RAB28: variants seen among roughly 807,000 people sequenced by gnomAD.
RAB28 encodes RAB28, member RAS oncogene family.
A neutral mutation model predicts 31.7 loss-of-function variants in RAB28; 24 were observed. That is an observed-to-expected ratio of 0.76 (90% confidence interval 0.55 to 1.06). The LOEUF (loss-of-function observed/expected upper bound fraction) is 1.06, where lower values mean the gene tolerates loss of function less well. RAB28 is among the 50% of genes least tolerant of loss of function. The probability of loss-of-function intolerance (pLI) is 0.00; values close to 1 mark genes in which losing one functional copy is unlikely to be tolerated. For synonymous variants in RAB28, 100 were observed against 90.4 expected (o/e 1.11, Z -0.60); for missense variants, 254 against 258.5 (o/e 0.98, Z 0.12).
At chr4:13,413,608 A>G (rs1350732023) in intron 4 of RAB28, among the ~76,000 whole-genome samples, 2 of 152,222 alleles carry the variant, frequency 1.3e-5, no homozygotes, top group Non-Finnish European at 2.9e-5. Flanking sequence ...GAAAAAGCAT[A>G]AAGTTTTAAG....
intron 4 of RAB28, among the ~76,000 whole-genome samples, chr4:13,393,681 AC>A (rs1184716574): frequency 6.6e-6 from 1 of 151,072 alleles, no homozygotes; most frequent in Non-Finnish European, 1.5e-5. Flanking sequence ...TCTTCGGTTT[AC>A]CCATCTTGTA....
chr4:13,468,123 G>A (rs1715949359), intron 3 of RAB28, among the ~76,000 whole-genome samples: 1 of 151,918 alleles, frequency 6.6e-6, no homozygotes, highest in South Asian at 2.1e-4. Context: ...GGCCAAAACT[G>A]ACAGAACTGC....
chr4:13,393,054 ACC>A (rs1729716813), intron 4 of RAB28, among the ~76,000 whole-genome samples: 1 of 152,230 alleles, frequency 6.6e-6, no homozygotes, highest in Admixed American at 6.5e-5. Context: ...TTATTTACTC[ACC>A]AACAATTTAT....
At chr4:13,438,674 G>C (rs2108938697) in intron 4 of RAB28, among the ~76,000 whole-genome samples, 1 of 152,214 alleles carries the variant, frequency 6.6e-6, no homozygotes, top group African/African-American at 2.4e-5. Context: ...TCAGCTAATA[G>C]AAATTTGGGC....
chr4:13,372,758 G>A (rs998548976), intron 6 of RAB28, among the ~76,000 whole-genome samples: 6 of 151,984 alleles, frequency 3.9e-5, no homozygotes, highest in Non-Finnish European at 2.9e-5. Context: ...CAACATTCAG[G>A]TAAAGCTAAA....
chr4:13,401,237 T>TG (rs1326262864), intron 4 of RAB28, among the ~76,000 whole-genome samples: 4 of 152,226 alleles, frequency 2.6e-5, no homozygotes, highest in Non-Finnish European at 5.9e-5. Context: ...AAATTATGAA[T>TG]TCAACTTTTT....
chr4:13,414,498 G>C (rs368718350), intron 4 of RAB28, among the ~76,000 whole-genome samples: 30 of 152,292 alleles, frequency 2.0e-4, no homozygotes, highest in African/African-American at 7.2e-4. Context: ...CCAAAATCCT[G>C]ATGATTTTAT....
At chr4:13,463,212 T>C (rs970643644) in intron 3 of RAB28, among the ~76,000 whole-genome samples, 2 of 152,170 alleles carry the variant, frequency 1.3e-5, no homozygotes, top group Admixed American at 6.6e-5. Context: ...CTTAAGACTT[T>C]TTGAACCCTT....
At chr4:13,480,214 A>C (rs1175354759) in intron 1 of RAB28, among the ~76,000 whole-genome samples, 1 of 151,826 alleles carries the variant, frequency 6.6e-6, no homozygotes, top group Non-Finnish European at 1.5e-5. Flanking sequence ...GTTTTTTAAT[A>C]GAAACTGAAA....
intron 5 of RAB28, among the ~76,000 whole-genome samples, chr4:13,380,567 A>T (rs1042952844): frequency 6.6e-6 from 1 of 152,176 alleles, no homozygotes; most frequent in Non-Finnish European, 1.5e-5. Flanking sequence ...ATAGTGAAGT[A>T]TCTTTTTTCT....
intron 4 of RAB28, among the ~76,000 whole-genome samples, chr4:13,398,372 T>C (rs1230797002): frequency 6.6e-6 from 1 of 152,124 alleles, no homozygotes. Context: ...GTAGATACAA[T>C]GAGGCCCAAG....
At chr4:13,476,013 CAAT>C (rs200360789) in intron 2 of RAB28, among the ~76,000 whole-genome samples, 1,754 of 151,546 alleles carry the variant, frequency 0.012, 13 homozygotes, top group Non-Finnish European at 0.018. Flanking sequence ...CAGTGCTTAA[CAAT>C]ACTAACTTTT....
At chr4:13,384,247 C>T (rs1051418522) in intron 4 of RAB28, among the ~76,000 whole-genome samples, 1 of 152,200 alleles carries the variant, frequency 6.6e-6, no homozygotes, top group African/African-American at 2.4e-5. Flanking sequence ...ATGCTAATAC[C>T]ACCACCAGCA....
At chr4:13,440,236 G>A (rs951209096) in intron 4 of RAB28, among the ~76,000 whole-genome samples, 4 of 151,824 alleles carry the variant, frequency 2.6e-5, no homozygotes, top group African/African-American at 9.7e-5. Context: ...TATTAAGCAT[G>A]ATACAAGTCA....
Position 13,400,537 on chromosome 4 carries a change from G to T in RAB28, c.392-18943C>A, listed in dbSNP as rs374404256. Among the ~76,000 whole-genome samples the T allele has an allele frequency of 3.9e-5, 6 of 152,116 alleles. No homozygotes were observed. The East Asian group carries it at 7.7e-4, about 20-fold the overall frequency. On this transcript the variant is annotated intron_variant, in intron 4 of 6. Coordinates refer to ENST00000330852, the MANE Select transcript of RAB28 (RefSeq NM_001017979.3). ...AGTTTTATTTCTTCCTTTTCAATTT[G>T]TATGTTTTATATACCTTTTTCTTGC... is the stretch of plus-strand genomic sequence containing the variant.
chr4:13,400,707 T>C (rs1297128343), intron 4 of RAB28, among the ~76,000 whole-genome samples: 1 of 152,168 alleles, frequency 6.6e-6, no homozygotes, highest in African/African-American at 2.4e-5. Flanking sequence ...TTTTCACAGA[T>C]GCCATTTATG....
chr4:13,425,413 A>G (rs1023026171), intron 4 of RAB28, among the ~76,000 whole-genome samples: 3 of 152,158 alleles, frequency 2.0e-5, no homozygotes, highest in Non-Finnish European at 4.4e-5. Context: ...AAACTATTTC[A>G]ACAAACACTG....
intron 6 of RAB28, chr4:13,371,520 T>C (rs1728712757): frequency 6.1e-6 from 6 of 985,246 alleles, no homozygotes; most frequent in Non-Finnish European, 6.0e-6. Flanking sequence ...TGTAAATGAC[T>C]TGGATTTCAT....
intron 6 of RAB28, chr4:13,370,341 G>A: frequency 1.1e-6 from 1 of 950,196 alleles, no homozygotes; most frequent in Non-Finnish European, 1.3e-6. Context: ...GTTTTTCTAT[G>A]TTAAAGTGCA....
Sources: allele counts gnomAD v4.1 joint callset (sites outside exome capture counted in the v4.1 genomes callset), GRCh38; gene constraint gnomAD v4.1.1; transcripts MANE v1.5; gene names NCBI Gene and HGNC (gene_info 2026-07-23, HGNC 2026-07-21).